TRIM49: variants seen among roughly 807,000 people sequenced by gnomAD.
The protein encoded by TRIM49 is tripartite motif-containing protein 49.
Under a neutral mutation model 27.4 loss-of-function variants are expected in TRIM49, and 5 were observed. The ratio of observed to expected loss-of-function variants is 0.18; its 90% CI spans 0.10 to 0.38. The LOEUF (loss-of-function observed/expected upper bound fraction) is 0.38. Ranked by LOEUF, TRIM49 falls within the 10% of genes least tolerant of loss-of-function variation. TRIM49 has a pLI of 1.00. For missense variants in TRIM49, 188 were observed against 487.5 expected (o/e 0.39, Z 5.79); for synonymous variants, 69 against 166.0 (o/e 0.42, Z 4.49).
At chr11:89,803,001 T>C (rs927244125) in intron 4 of TRIM49, among the ~76,000 whole-genome samples, 2 of 150,630 alleles carry the variant, frequency 1.3e-5, no homozygotes, top group African/African-American at 4.9e-5. Context: ...TGAAATACTT[T>C]TCAACAAACT....
chr11:89,774,268 G>T, the TRIM49 span, among the ~76,000 whole-genome samples: 3 of 151,030 alleles, frequency 2.0e-5, no homozygotes, highest in Non-Finnish European at 4.4e-5. Flanking sequence ...CCACAGTGCT[G>T]GGATTACAGG....
chr11:89,767,253 C>T, the TRIM49 span, among the ~76,000 whole-genome samples: 4 of 139,838 alleles, frequency 2.9e-5, no homozygotes, highest in Non-Finnish European at 6.0e-5. Context: ...CTTCAATGAT[C>T]GCAATTTCTA....
At chr11:89,800,699 C>T (rs545204887) in intron 6 of TRIM49, among the ~76,000 whole-genome samples, 5 of 150,280 alleles carry the variant, frequency 3.3e-5, no homozygotes, top group African/African-American at 1.2e-4. Context: ...GCCGAGATGG[C>T]GCCATTGCAC....
intron 4 of TRIM49, 147 bp downstream of exon 4, chr11:89,803,551 A>C: frequency 6.8e-7 from 1 of 1,470,122 alleles, no homozygotes; most frequent in East Asian, 2.4e-5. Flanking sequence ...TATAAAAATG[A>C]GGCCACTTTT....
chr11:89,804,866 G>T (rs529197933), intron 2 of TRIM49, among the ~76,000 whole-genome samples: 1 of 151,086 alleles, frequency 6.6e-6, no homozygotes, highest in South Asian at 2.1e-4. Context: ...AAACTACCCG[G>T]GCCAAAGAAA....
At chr11:89,785,773 TC>T in the TRIM49 span, among the ~76,000 whole-genome samples, 1 of 144,832 alleles carries the variant, frequency 6.9e-6, no homozygotes, top group South Asian at 2.1e-4. Flanking sequence ...TTTATCAATG[TC>T]CTAAGAAAAT....
the TRIM49 span, chr11:89,786,255 G>C: frequency 6.8e-6 from 1 of 147,948 alleles, no homozygotes; most frequent in Non-Finnish European, 1.4e-5. Context: ...GCGGGAGACT[G>C]ACCACAATGG....
chr11:89,795,707 AAGGGGAACATCACACAT>A (rs2099806938), downstream of TRIM49, among the ~76,000 whole-genome samples: 1 of 129,696 alleles, frequency 7.7e-6, no homozygotes, highest in Non-Finnish European at 1.6e-5. Context: ...TGGACACAGG[AAGGGGAACATCACACAT>A]AGGGGCCTGT....
the TRIM49 span, among the ~76,000 whole-genome samples, chr11:89,792,087 TG>T: frequency 6.6e-6 from 1 of 151,570 alleles, no homozygotes; most frequent in East Asian, 1.9e-4. Flanking sequence ...AGGCAGGGGT[TG>T]CAATCCTAGT....
At chr11:89,772,175 T>G in the TRIM49 span, among the ~76,000 whole-genome samples, 2 of 137,940 alleles carry the variant, frequency 1.4e-5, no homozygotes, top group Non-Finnish European at 3.0e-5. Flanking sequence ...TAATGAATAT[T>G]AAATATATTT....
chr11:89,796,429 TCTGA>T (rs1044444920), downstream of TRIM49, among the ~76,000 whole-genome samples: 1 of 137,366 alleles, frequency 7.3e-6, no homozygotes, highest in Non-Finnish European at 1.5e-5. Flanking sequence ...AGACATGAGG[TCTGA>T]CTATGTTGCC....
the TRIM49 span, among the ~76,000 whole-genome samples, chr11:89,792,654 T>A: frequency 6.6e-6 from 1 of 151,992 alleles, no homozygotes; most frequent in South Asian, 2.1e-4. Flanking sequence ...ACCGGGTACA[T>A]AACGAAATGA....
chr11:89,791,015 A>G, the TRIM49 span, among the ~76,000 whole-genome samples: 2 of 147,008 alleles, frequency 1.4e-5, no homozygotes, highest in Non-Finnish European at 3.0e-5. Flanking sequence ...AGATTAGATG[A>G]ATGGCTAACT....
At chr11:89,796,516 G>A (rs1026315455), downstream of TRIM49, among the ~76,000 whole-genome samples, 7 of 139,852 alleles carry the variant, frequency 5.0e-5, no homozygotes, top group Non-Finnish European at 9.0e-5. Flanking sequence ...GATTGGAGGT[G>A]TGTGCCACCA....
intron 6 of TRIM49, 137 bp downstream of exon 6, chr11:89,800,829 A>C (rs865972336): frequency 1.2e-5 from 7 of 586,280 alleles, no homozygotes; most frequent in South Asian, 6.4e-5. Context: ...CTTGTCTTTT[A>C]AGGTGTGGGA....
At chr11:89,790,800 A>C in the TRIM49 span, among the ~76,000 whole-genome samples, 2 of 151,704 alleles carry the variant, frequency 1.3e-5, no homozygotes, top group Non-Finnish European at 2.9e-5. Context: ...AGATGGGGAA[A>C]AAACAGAGCA....
intron 1 of TRIM49, among the ~76,000 whole-genome samples, chr11:89,807,703 T>G (rs1426153964): frequency 6.6e-6 from 1 of 151,062 alleles, no homozygotes; most frequent in Non-Finnish European, 1.5e-5. Context: ...TAATTTTTTT[T>G]GTTGAAATTT....
downstream of TRIM49, among the ~76,000 whole-genome samples, chr11:89,793,734 C>G (rs1295470654): frequency 6.6e-6 from 1 of 151,922 alleles, no homozygotes; most frequent in African/African-American, 2.4e-5. Context: ...GGACGTATCT[C>G]AAAATAATAA....
chr11:89,805,620 C>T (rs1949783070), intron 2 of TRIM49, among the ~76,000 whole-genome samples: 1 of 151,390 alleles, frequency 6.6e-6, no homozygotes, highest in African/African-American at 2.4e-5. Flanking sequence ...CATAATCAAG[C>T]AAATTAATTT....
Sources: allele counts gnomAD v4.1 joint callset (sites outside exome capture counted in the v4.1 genomes callset), GRCh38; gene constraint gnomAD v4.1.1; transcripts MANE v1.5; gene names NCBI Gene and HGNC (gene_info 2026-07-23, HGNC 2026-07-21).